XPR1: variants seen among roughly 807,000 people sequenced by gnomAD.
XPR1 encodes the protein solute carrier family 53 member 1.
Under a neutral mutation model 87.5 loss-of-function variants are expected in XPR1, and 28 were observed. That is an observed-to-expected ratio of 0.32 (90% CI 0.24 to 0.44). XPR1 has a LOEUF of 0.44. Ranked by LOEUF, XPR1 falls within the 20% of genes least tolerant of loss-of-function variation. The pLI is 1.00. For missense variants in XPR1, 559 were observed against 862.3 expected, an observed-to-expected ratio of 0.65 and a Z score of 4.41; for synonymous variants, 300 against 306.1, an observed-to-expected ratio of 0.98 and a Z score of 0.21.
In XPR1 at chr1:180,735,153, G is replaced by T. The variant is rs187483168; in HGVS notation, c.122-52600G>T. The stretch of plus-strand genomic sequence containing the variant: ...AGAAATACATATTGTCAGACAGAAT[G>T]TGTCTGTTCTGTATTTAATAGTCCA... On this transcript the variant is annotated intron_variant, in intron 2 of 14. Transcript: ENST00000367590. Among the ~76,000 whole-genome samples, 230 of 152,290 alleles carry T rather than the reference G, an allele frequency of 1.5e-3. 1 individual carries two copies. Among genetic ancestry groups the T allele is most frequent in the African/African-American group, 5.1e-3 (212 of 41,562 alleles).
At chr1:180,734,643 A>G (rs1018572219) in intron 2 of XPR1, among the ~76,000 whole-genome samples, 3 of 152,218 alleles carry the variant, frequency 2.0e-5, no homozygotes, top group Non-Finnish European at 4.4e-5. Context: ...CCAATTTCAC[A>G]TGTGGGACAG....
intron 7 of XPR1, among the ~76,000 whole-genome samples, chr1:180,815,250 T>TA (rs1650366375): frequency 6.6e-6 from 1 of 152,078 alleles, no homozygotes; most frequent in Non-Finnish European, 1.5e-5. Context: ...AATTTGAGGG[T>TA]TTTTTTGTTT....
intron 6 of XPR1, 103 bp downstream of exon 6, chr1:180,806,660 A>G: frequency 3.3e-6 from 3 of 920,624 alleles, no homozygotes; most frequent in South Asian, 2.0e-5. Context: ...GCCAAAGTTT[A>G]TAAGTAGTTG....
At chr1:180,823,276 T>A (rs895908044) in intron 7 of XPR1, among the ~76,000 whole-genome samples, 1 of 151,864 alleles carries the variant, frequency 6.6e-6, no homozygotes, top group East Asian at 1.9e-4. Context: ...GTAATTAAAT[T>A]CCAAATGAGC....
chr1:180,711,782 T>G (rs892003928), intron 2 of XPR1, among the ~76,000 whole-genome samples: 1 of 152,260 alleles, frequency 6.6e-6, no homozygotes, highest in Non-Finnish European at 1.5e-5. Context: ...CTTTGCCTAA[T>G]TCAAGGTCAC....
In XPR1 at chr1:180,639,884, C is replaced by T. The variant is rs570363126; in HGVS notation, c.69+7614C>T. ...GGGTGAGGAGTGTCTGGTATCTGCC[C>T]TACAGCAAGGACAATAGAGAAAAGA... is the stretch of plus-strand genomic sequence containing the variant. On this transcript the variant is annotated intron_variant, in intron 1 of 14. Coordinates refer to ENST00000367590, the MANE Select transcript of XPR1 (RefSeq NM_004736.4). 1.9e-3 allele frequency among the ~76,000 whole-genome samples: 292 copies of T among 152,250 alleles called. 2 individuals carry two copies. The highest frequency in any genetic ancestry group is 0.015 in the South Asian group (71 of 4,812).
At chr1:180,882,689 A>G (rs1380841648) in intron 14 of XPR1, among the ~76,000 whole-genome samples, 2 of 152,062 alleles carry the variant, frequency 1.3e-5, no homozygotes, top group East Asian at 3.9e-4. Flanking sequence ...ATAGTGGTAA[A>G]TGGTTTATGT....
intron 11 of XPR1, among the ~76,000 whole-genome samples, chr1:180,848,480 G>A (rs1161934702): frequency 1.3e-5 from 2 of 152,060 alleles, no homozygotes; most frequent in African/African-American, 4.8e-5. Flanking sequence ...GTTTTGCTGG[G>A]AATTACAGGA....
intron 2 of XPR1, among the ~76,000 whole-genome samples, chr1:180,686,028 G>A (rs1656761090): frequency 6.6e-6 from 1 of 152,052 alleles, no homozygotes; most frequent in Non-Finnish European, 1.5e-5. Context: ...CCTTCTGCTA[G>A]CTTTTGAATG....
intron 2 of XPR1, among the ~76,000 whole-genome samples, chr1:180,769,903 G>A (rs6674012): frequency 0.053 from 8,133 of 152,274 alleles, 311 homozygotes; most frequent in Non-Finnish European, 0.079. Flanking sequence ...AACAGTGTAT[G>A]AGGGTTCCCT....
chr1:180,850,039 A>G (rs1651812595), intron 11 of XPR1, among the ~76,000 whole-genome samples: 1 of 152,192 alleles, frequency 6.6e-6, no homozygotes, highest in Non-Finnish European at 1.5e-5. Flanking sequence ...AAGTGGATTG[A>G]TACTGCAGTT....
intron 1 of XPR1, among the ~76,000 whole-genome samples, chr1:180,646,724 C>T (rs562689272): frequency 3.9e-5 from 6 of 152,044 alleles, no homozygotes; most frequent in South Asian, 2.1e-4. Context: ...GTGGGCTTAC[C>T]GAAACTGTGA....
intron 11 of XPR1, among the ~76,000 whole-genome samples, chr1:180,860,898 T>C (rs1652197998): frequency 1.3e-5 from 2 of 152,086 alleles, no homozygotes; most frequent in African/African-American, 2.4e-5. Flanking sequence ...AAGATTTACA[T>C]TTAAAATCTA....
intron 1 of XPR1, among the ~76,000 whole-genome samples, chr1:180,681,201 G>A (rs1187844207): frequency 6.6e-6 from 1 of 152,092 alleles, no homozygotes; most frequent in Non-Finnish European, 1.5e-5. Flanking sequence ...ATACCTAGAA[G>A]GAGGATATTG....
chr1:180,728,647 T>C (rs1247694367), intron 2 of XPR1, among the ~76,000 whole-genome samples: 2 of 152,194 alleles, frequency 1.3e-5, no homozygotes, highest in Non-Finnish European at 2.9e-5. Context: ...TTGAGAAGCA[T>C]TGCTGTATGT....
chr1:180,696,206 G>GTATATATATATATATA (rs1330154532), intron 2 of XPR1, among the ~76,000 whole-genome samples: 1 of 102,060 alleles, frequency 9.8e-6, no homozygotes, highest in Non-Finnish European at 2.0e-5. Flanking sequence ...GTGTGTGTGT[G>GTATATATATATATATA]TGTATATATA....
chr1:180,840,648 A>AT (rs995041868), intron 11 of XPR1, among the ~76,000 whole-genome samples: 1 of 151,134 alleles, frequency 6.6e-6, no homozygotes, highest in African/African-American at 2.4e-5. Flanking sequence ...AAACAAAAAT[A>AT]TTTTTTAGAT....
At chr1:180,783,268 C>T (rs1649009130) in intron 2 of XPR1, among the ~76,000 whole-genome samples, 1 of 151,936 alleles carries the variant, frequency 6.6e-6, no homozygotes, top group African/African-American at 2.4e-5. Context: ...AACAAACAAA[C>T]AAAAACTCTA....
At chr1:180,735,953 C>A (rs1368682919) in intron 2 of XPR1, among the ~76,000 whole-genome samples, 2 of 152,196 alleles carry the variant, frequency 1.3e-5, no homozygotes, top group Admixed American at 6.5e-5. Context: ...TCATGAGTAT[C>A]TATGAATACT....
Sources: allele counts gnomAD v4.1 joint callset (sites outside exome capture counted in the v4.1 genomes callset), GRCh38; gene constraint gnomAD v4.1.1; transcripts MANE v1.5; gene names NCBI Gene and HGNC (gene_info 2026-07-23, HGNC 2026-07-21).